The following CTTNBP2 variants were observed in gnomAD, a reference collection of about 807,000 sequenced individuals.
The protein encoded by CTTNBP2 is cortactin binding protein 2.
CTTNBP2 carries 108 observed loss-of-function variants against 156.9 expected under a neutral mutation model. That is an observed-to-expected ratio of 0.69 (90% CI 0.59 to 0.81). CTTNBP2 has a LOEUF of 0.81. CTTNBP2 is among the 30% of genes least tolerant of loss of function. The pLI, the probability that CTTNBP2 is intolerant of heterozygous loss-of-function variation, is 0.00. For synonymous variants in CTTNBP2, 767 were observed against 751.8 expected, an observed-to-expected ratio of 1.02 and a Z score of -0.33; for missense variants, 1,924 against 2,035.4, an observed-to-expected ratio of 0.95 and a Z score of 1.05.
At position 117,817,351 on chromosome 7, in the gene CTTNBP2, A is replaced by ATAAAT. The variant is rs59278873; in HGVS notation, c.190-6363_190-6362insATTTA. 3.0e-3 allele frequency among the ~76,000 whole-genome samples: 140 copies of ATAAAT among 47,276 alleles called. 9 individuals are homozygous for ATAAAT. Among genetic ancestry groups the ATAAAT allele is most frequent in the African/African-American group, 8.7e-3 (130 of 14,990 alleles). The allele number at this position is 47,276 out of a possible 152,430, so 31.0% of individuals were successfully genotyped here. On this transcript the variant is annotated intron_variant, in intron 2 of 22. Transcript: ENST00000160373. ...TCCATCTCAAAAAAAAAAAAAAAAA[A>ATAAAT]AAAAAAAAAAATATATATATATATA...
rs398048025 is a variant in CTTNBP2, at chr7:117,715,475, T to TA, written c.4746+2542dup. Among the ~76,000 whole-genome samples the TA allele has an allele frequency of 3.2e-3, 375 of 116,370 alleles. 3 individuals are homozygous for TA. The highest frequency in any genetic ancestry group is 9.1e-3 in the Middle Eastern group (2 of 220). The allele number at this position is 116,370 out of a possible 152,430, so 76.3% of individuals were successfully genotyped here. A position where few individuals can be genotyped will look rare whatever the true frequency, so the allele number is the denominator to read the frequency against. On this transcript the variant is annotated intron_variant, in intron 22 of 22. Transcript: ENST00000160373. ...CAGACTAGAGTCCAGGCCCTGAAGT[T>TA]AAAAAAAAAAAAAAAAAAGAAGCCT...
At chr7:117,773,490 G>A (rs995146978) in intron 8 of CTTNBP2, among the ~76,000 whole-genome samples, 4 of 152,154 alleles carry the variant, frequency 2.6e-5, no homozygotes, top group Non-Finnish European at 5.9e-5. Context: ...CAGGATGCTG[G>A]AGATGAATGT....
chr7:117,835,451 A>T (rs974329202), intron 2 of CTTNBP2, among the ~76,000 whole-genome samples: 9 of 152,228 alleles, frequency 5.9e-5, no homozygotes, highest in Non-Finnish European at 1.2e-4. Context: ...TCAGTCAACC[A>T]CAGGGGGTCA....
At chr7:117,845,238 T>C (rs1802515704) in intron 2 of CTTNBP2, among the ~76,000 whole-genome samples, 1 of 152,124 alleles carries the variant, frequency 6.6e-6, no homozygotes, top group Non-Finnish European at 1.5e-5. Context: ...AGTAAGGAGA[T>C]GTCCAAGAAC....
At chr7:117,850,931 G>A (rs938455507) in intron 2 of CTTNBP2, among the ~76,000 whole-genome samples, 2 of 152,162 alleles carry the variant, frequency 1.3e-5, no homozygotes, top group Non-Finnish European at 2.9e-5. Context: ...ATATTTACTA[G>A]GTGAACGTTG....
intron 1 of CTTNBP2, chr7:117,871,972 T>C (rs1033197417): frequency 4.1e-6 from 4 of 985,250 alleles, no homozygotes; most frequent in South Asian, 4.7e-5. Context: ...CAATAGCTAG[T>C]TTCCTTACTG....
chr7:117,809,112 G>A (rs1800114804), intron 3 of CTTNBP2, among the ~76,000 whole-genome samples: 1 of 151,780 alleles, frequency 6.6e-6, no homozygotes, highest in South Asian at 2.1e-4. Context: ...CCATAGGACA[G>A]AAACAATTTC....
chr7:117,828,614 T>C (rs1415095264), intron 2 of CTTNBP2, among the ~76,000 whole-genome samples: 5 of 152,228 alleles, frequency 3.3e-5, no homozygotes, highest in Non-Finnish European at 7.3e-5. Context: ...GGTTAATTGG[T>C]ATCAGCAATG....
In CTTNBP2 at chr7:117,791,871, T is replaced by G; in HGVS notation, c.1325A>C (p.Asn442Thr). The G allele has an allele frequency of 6.2e-7, 1 of 1,614,146 alleles. No individual in the cohort carries two copies. The highest frequency in any genetic ancestry group is 2.2e-5 in the East Asian group (1 of 44,870). The change falls in exon 4 of 23, where the codon AAC (asparagine) becomes ACC (threonine). Residue 442 changes from asparagine to threonine, a missense_variant. By Grantham distance (65) the Asn-to-Thr change is moderately conservative (BLOSUM62 0). Coordinates refer to ENST00000160373, the MANE Select transcript of CTTNBP2 (RefSeq NM_033427.3). Reference protein sequence around the residue: ...CANTSLHPGLNPRIQAARFRF... With the variant: ...CANTSLHPGLTPRIQAARFRF... ...AAATCTAGCTGCTTGGATTCGTGGG[T>G]TTAGACCTGGATGCAAAGAGGTGTT...
chr7:117,840,797 C>G (rs574010752), intron 2 of CTTNBP2, among the ~76,000 whole-genome samples: 2 of 152,174 alleles, frequency 1.3e-5, no homozygotes, highest in Non-Finnish European at 1.5e-5. Flanking sequence ...AGAGACTGTT[C>G]ATCCTCTCAT....
In CTTNBP2 at chr7:117,711,296, C is replaced by A; in HGVS notation, c.*241G>T. The A allele has an allele frequency of 2.4e-6, 1 of 421,390 alleles. No homozygotes were observed. The highest frequency in any genetic ancestry group is 4.2e-6 in the Non-Finnish European group (1 of 236,314). 26.1% of individuals were successfully genotyped at this position (421,390 alleles called of 1,614,324 possible). ...CTATTACAATTTTTCTATTATAAAA[C>A]TACTTGAAAAGTTGGCATAACTTCC... is the stretch of plus-strand genomic sequence containing the variant. On this transcript the variant is annotated 3_prime_UTR_variant, in exon 23 of 23. Coordinates refer to ENST00000160373, the MANE Select transcript of CTTNBP2 (RefSeq NM_033427.3).
At chr7:117,779,821 C>A (rs949605047) in intron 7 of CTTNBP2, among the ~76,000 whole-genome samples, 1 of 151,922 alleles carries the variant, frequency 6.6e-6, no homozygotes, top group Admixed American at 6.6e-5. Context: ...AGTGCAACAG[C>A]GCCATCTCAG....
Position 117,792,359 on chromosome 7 carries a change from G to T in CTTNBP2, c.837C>A (p.Leu279=). The T allele has an allele frequency of 6.2e-7, 1 of 1,614,208 alleles. No homozygotes were observed. The highest frequency in any genetic ancestry group is 8.5e-7 in the Non-Finnish European group (1 of 1,180,034). The change falls in exon 4 of 23, where the codon CTC becomes CTA. Residue 279 remains leucine (L), a synonymous_variant. Coordinates refer to ENST00000160373, the MANE Select transcript of CTTNBP2 (RefSeq NM_033427.3). This position sits in a 1 kb window ranked among gnomAD's most constrained non-coding sequence, Gnocchi z 4.2. ...LKRGSDSKPS[L]SLPRKTKDRR... is the part of the protein sequence containing the mutation. ...TATCTTTTGTCTTCCGTGGAAGAGA[G>T]AGGCTTGGTTTGCTGTCACTTCCCC...
chr7:117,782,629 G>A (rs537814334), intron 6 of CTTNBP2, among the ~76,000 whole-genome samples: 20 of 152,262 alleles, frequency 1.3e-4, no homozygotes, highest in East Asian at 1.9e-4. Context: ...GTTCATTCAC[G>A]TTCAGTTGGG....
At chr7:117,834,137 C>T (rs1464591281) in intron 2 of CTTNBP2, among the ~76,000 whole-genome samples, 1 of 151,940 alleles carries the variant, frequency 6.6e-6, no homozygotes. Context: ...TCACTGCAAC[C>T]TCCACCTCCT....
chr7:117,759,187 C>T (rs529018273), intron 10 of CTTNBP2, among the ~76,000 whole-genome samples: 2 of 152,122 alleles, frequency 1.3e-5, no homozygotes, highest in East Asian at 3.9e-4. Flanking sequence ...TAGCTCATTG[C>T]TGCCTCAAAC....
In CTTNBP2 at chr7:117,719,526, T is replaced by C; in HGVS notation, c.4622A>G (p.Lys1541Arg). The change falls in exon 21 of 23, where the codon AAG (lysine) becomes AGG (arginine). Residue 1541 changes from lysine to arginine, a missense_variant. By Grantham distance (26) the Lys-to-Arg change is conservative. Transcript: ENST00000160373. ...CACCTTGCTGATATCAGACTCAGAC[T>C]TGCTGGAGCACATGCTCTGAAGTTC... ...VKELQSMCSS[K>R]SESDISKIAD... 1 of 1,614,022 alleles carries C rather than the reference T, an allele frequency of 6.2e-7. No homozygotes were observed. Among genetic ancestry groups the C allele is most frequent in the Non-Finnish European group, 8.5e-7 (1 of 1,179,932 alleles).
At chr7:117,714,279 A>T (rs890630852) in intron 22 of CTTNBP2, 1 of 152,248 alleles carries the variant, frequency 6.6e-6, no homozygotes, top group Non-Finnish European at 1.5e-5. Flanking sequence ...CCAGGATCCA[A>T]TCTCATTTTT....
At chr7:117,816,275 C>T (rs1800570172) in intron 2 of CTTNBP2, among the ~76,000 whole-genome samples, 1 of 152,220 alleles carries the variant, frequency 6.6e-6, no homozygotes. Flanking sequence ...AGGAGAACTA[C>T]AGGGTATATC....
Sources: allele counts gnomAD v4.1 joint callset (sites outside exome capture counted in the v4.1 genomes callset), GRCh38; gene constraint gnomAD v4.1.1; non-coding constraint Gnocchi (gnomAD v3.1); transcripts MANE v1.5; gene names NCBI Gene and HGNC (gene_info 2026-07-23, HGNC 2026-07-21).